MROH1: variants seen among roughly 807,000 people sequenced by gnomAD.
The protein encoded by MROH1 is maestro heat like repeat family member 1.
A neutral mutation model predicts 116.5 loss-of-function variants in MROH1; 117 were observed. That is an observed-to-expected ratio of 1.00 (90% CI 0.86 to 1.17). MROH1 has a LOEUF of 1.17. Ranked by LOEUF, MROH1 falls within the 50% of genes most tolerant of loss-of-function variation. The pLI is 0.00. For synonymous variants in MROH1, 921 were observed against 583.9 expected, an observed-to-expected ratio of 1.58 and a Z score of -8.32; for missense variants, 1,873 against 1,338.5, an observed-to-expected ratio of 1.40 and a Z score of -6.23.
At chr8:144,235,782 A>G (rs1839938405) in intron 14 of MROH1, among the ~76,000 whole-genome samples, 1 of 152,208 alleles carries the variant, frequency 6.6e-6, no homozygotes, top group Non-Finnish European at 1.5e-5. Context: ...ATCATGGTAT[A>G]TGCTTTTCTT....
At position 144,261,170 on chromosome 8, in the gene MROH1, C is replaced by G; in HGVS notation, c.4728C>G (p.Phe1576Leu). ...GRLLTTCLFY[F>L]KSSWENVRAA... ...TCCTGACCACCTGCCTGTTCTACTTCAAGAGCAGCTGGGAGAACGTCCGAG... is the reference window on the plus strand; with the variant it reads ...TCCTGACCACCTGCCTGTTCTACTTGAAGAGCAGCTGGGAGAACGTCCGAG... The change falls in exon 42 of 44, where the codon TTC becomes TTG. Residue 1576 changes from phenylalanine to leucine, a missense_variant. By Grantham distance (22) the Phe-to-Leu change is conservative. Coordinates refer to ENST00000326134, the MANE Select transcript of MROH1 (RefSeq NM_032450.3). 1 of 770,754 alleles carries G rather than the reference C, an allele frequency of 1.3e-6. No homozygotes were observed. Among genetic ancestry groups the G allele is most frequent in the African/African-American group, 1.7e-5 (1 of 59,196 alleles). The allele number at this position is 770,754 out of a possible 1,614,324, so 47.7% of individuals were successfully genotyped here.
At chr8:144,208,187 G>A (rs919713446) in intron 12 of MROH1, among the ~76,000 whole-genome samples, 25 of 152,064 alleles carry the variant, frequency 1.6e-4, no homozygotes, top group Non-Finnish European at 2.6e-4. Context: ...CAGGTGATCC[G>A]CCCGCCTCGG....
intron 12 of MROH1, among the ~76,000 whole-genome samples, chr8:144,215,265 A>G (rs1158741393): frequency 6.6e-6 from 1 of 152,240 alleles, no homozygotes; most frequent in Non-Finnish European, 1.5e-5. Context: ...GAAATCACAA[A>G]TGTTCCAAAG....
At chr8:144,234,524 TTTTTTTTTTTC>T in intron 14 of MROH1, among the ~76,000 whole-genome samples, 2 of 90,024 alleles carry the variant, frequency 2.2e-5, no homozygotes, top group Admixed American at 1.1e-4. Context: ...TTTTTTTTTT[TTTTTTTTTTTC>T]AAAAAGAGTC....
Position 144,220,666 on chromosome 8 carries a change from A to G in MROH1, c.1208A>G (p.Asn403Ser), listed in dbSNP as rs1836518453. 1 of 1,572,412 alleles carries G rather than the reference A, an allele frequency of 6.4e-7. No homozygotes were observed. Among genetic ancestry groups the G allele is most frequent in the Admixed American group, 1.9e-5 (1 of 53,586 alleles). ...SSMRLPLLDT[N>S]SKVKRAVVQV... ...ATGAGGCTTCCTCTCCTGGACACCA[A>G]CAGCAAGGTAAACCACATGGGCCAG... Residue 403 changes from asparagine (N) to serine (S), a missense_variant, in exon 13 of 44, where the codon AAC becomes AGC. Coordinates refer to ENST00000326134, the MANE Select transcript of MROH1 (RefSeq NM_032450.3).
chr8:144,185,108 A>G (rs1826627952), intron 7 of MROH1, among the ~76,000 whole-genome samples: 1 of 152,066 alleles, frequency 6.6e-6, no homozygotes. Context: ...CTTTAGGGAA[A>G]CCACTGCAGT....
chr8:144,176,743 C>A (rs564693036), intron 4 of MROH1, among the ~76,000 whole-genome samples: 1 of 150,338 alleles, frequency 6.7e-6, no homozygotes, highest in African/African-American at 2.5e-5. Context: ...GCAGGAGAAT[C>A]ACTTGAACTC....
rs1265309931 is a variant in MROH1, at chr8:144,180,783, TG to T, written c.562+266del. Among the ~76,000 whole-genome samples the T allele has an allele frequency of 6.6e-6, 1 of 152,116 alleles. No homozygotes were observed. Among genetic ancestry groups the T allele is most frequent in the African/African-American group, 2.4e-5 (1 of 41,434 alleles). ...GGGTCCACTGAGGGCTGGACGTGCC[TG>T]GGGGGTAGGAAGAGACTTCCTCGAA... On this transcript the variant is annotated intron_variant, in intron 7 of 43. Transcript: ENST00000326134. The surrounding 1 kb of genome is among the most constrained non-coding windows in gnomAD (Gnocchi z 7.4).
chr8:144,224,534 A>G (rs961814089), intron 14 of MROH1, among the ~76,000 whole-genome samples: 2 of 152,242 alleles, frequency 1.3e-5, no homozygotes, highest in Admixed American at 6.5e-5. Flanking sequence ...AAAAAGTGCT[A>G]GGATTACCGG....
At chr8:144,191,981 G>C in intron 9 of MROH1, 126 bp downstream of exon 9, 1 of 1,124,630 alleles carries the variant, frequency 8.9e-7, no homozygotes, top group Non-Finnish European at 1.3e-6. Flanking sequence ...CTCTGCTAAG[G>C]CTCAGTGGTG....
At chr8:144,159,943 T>C (rs1239348475) in intron 1 of MROH1, among the ~76,000 whole-genome samples, 1 of 152,090 alleles carries the variant, frequency 6.6e-6, no homozygotes, top group Non-Finnish European at 1.5e-5. Context: ...TAATTTATTG[T>C]ATTTTTTAGT....
At position 144,200,497 on chromosome 8, in the gene MROH1, G is replaced by A. The variant is rs937188035; in HGVS notation, c.1097G>A (p.Arg366His). The stretch of plus-strand genomic sequence containing the variant: ...CTGGACACCAGCAATGAGAGGACCC[G>A]CGTGGGCACCCTGCAGGTGGTCAGA... The part of the protein sequence containing the change: ...PRLDTSNERT[R>H]VGTLQVVRHV... Residue 366 changes from arginine (R) to histidine (H), a missense_variant, in exon 12 of 44, where the codon CGC becomes CAC. Physicochemically the swap from Arg to His is conservative, Grantham distance 29. Transcript: ENST00000326134. The A allele has an allele frequency of 1.2e-5, 18 of 1,551,782 alleles. No individual in the cohort carries two copies. Among genetic ancestry groups the A allele is most frequent in the Admixed American group, 3.9e-5 (2 of 51,102 alleles).
intron 12 of MROH1, among the ~76,000 whole-genome samples, chr8:144,203,934 CACTTT>C (rs1286636212): frequency 6.6e-6 from 1 of 152,170 alleles, no homozygotes; most frequent in African/African-American, 2.4e-5. Context: ...TTTCAGCGTT[CACTTT>C]GTTTTCCCCA....
At chr8:144,223,050 G>A (rs1367874324) in intron 13 of MROH1, 58 bp from the exon 14 acceptor site, 4 of 1,605,454 alleles carry the variant, frequency 2.5e-6, no homozygotes, top group South Asian at 1.1e-5. Flanking sequence ...TCTGCTGGCT[G>A]GACTGGCATG....
At chr8:144,218,062 G>A (rs1228226920) in intron 12 of MROH1, among the ~76,000 whole-genome samples, 7 of 152,134 alleles carry the variant, frequency 4.6e-5, no homozygotes, top group Admixed American at 4.6e-4. Context: ...CTGGGTGGCT[G>A]TGTTAGTGCC....
chr8:144,171,030 GA>G (rs1822303684), intron 4 of MROH1, among the ~76,000 whole-genome samples: 1 of 152,196 alleles, frequency 6.6e-6, no homozygotes, highest in East Asian at 1.9e-4. Context: ...AAATGGGGGG[GA>G]TTTCTCTCCA....
intron 14 of MROH1, among the ~76,000 whole-genome samples, chr8:144,224,191 T>G (rs1247993232): frequency 6.6e-6 from 1 of 152,212 alleles, no homozygotes; most frequent in Non-Finnish European, 1.5e-5. Context: ...AAAACGTTAT[T>G]AAGGTTTTCT....
intron 4 of MROH1, 54 bp downstream of exon 4, chr8:144,168,494 C>CTT: frequency 1.3e-6 from 2 of 1,547,646 alleles, no homozygotes; most frequent in Non-Finnish European, 1.7e-6. Flanking sequence ...TCGGTTGGGG[C>CTT]TTACTTGGTT....
chr8:144,260,735 G>A lies in MROH1; in HGVS notation c.4439G>A (p.Cys1480Tyr), dbSNP rs994628129. ...CTCTTTGGGCACCTTAACAAGGTCT[G>A]CCACGGAGACTGTGAGGACGTCTTC... ...IRLFGHLNKV[C>Y]HGDCEDVFLD... The change falls in exon 40 of 44, where the codon TGC (cysteine) becomes TAC (tyrosine). Residue 1480 changes from cysteine to tyrosine, a missense_variant. Physicochemically the swap from Cys to Tyr is radical, Grantham distance 194. Coordinates refer to ENST00000326134, the MANE Select transcript of MROH1 (RefSeq NM_032450.3). 2.4e-5 allele frequency: 19 copies of A among 779,552 alleles called. No homozygotes were observed. The highest frequency in any genetic ancestry group is 4.1e-5 in the Non-Finnish European group (17 of 417,788). 48.3% of individuals were successfully genotyped at this position (779,552 alleles called of 1,614,324 possible). A position where few individuals can be genotyped will look rare whatever the true frequency, so the allele number is the denominator to read the frequency against.
Sources: gnomAD v4.1 joint callset for allele counts (sites outside exome capture counted in the v4.1 genomes callset) on GRCh38, gnomAD v4.1.1 for gene constraint, Gnocchi (gnomAD v3.1) non-coding constraint, MANE v1.5 for transcripts, NCBI Gene and HGNC (gene_info 2026-07-23, HGNC 2026-07-21) for gene names.